UBASH3B: variants seen among roughly 807,000 people sequenced by gnomAD.
UBASH3B encodes the protein ubiquitin associated and SH3 domain containing B.
In UBASH3B, 37 loss-of-function variants were observed where a neutral mutation model predicts 83.4. The observed-to-expected ratio is 0.44, with a 90% confidence interval of 0.34 to 0.58. The LOEUF (loss-of-function observed/expected upper bound fraction) is 0.58. Among genes scored for constraint, UBASH3B ranks in the 20% least tolerant of loss-of-function variants. The pLI is 0.01. For missense variants in UBASH3B, 657 were observed against 827.2 expected (o/e 0.79, Z 2.52); for synonymous variants, 304 against 318.3 (o/e 0.96, Z 0.48).
chr11:122,692,434 A>T (rs1435849501), intron 1 of UBASH3B, among the ~76,000 whole-genome samples: 1 of 152,220 alleles, frequency 6.6e-6, no homozygotes, highest in Non-Finnish European at 1.5e-5. Context: ...AAAAACAAGA[A>T]GCTCATAATT....
chr11:122,696,495 G>A (rs950408981), intron 1 of UBASH3B, among the ~76,000 whole-genome samples: 2 of 151,888 alleles, frequency 1.3e-5, no homozygotes, highest in African/African-American at 2.4e-5. Context: ...ATTTTTAGTC[G>A]AGACAGGGTT....
chr11:122,680,881 A>T (rs569066070), intron 1 of UBASH3B, among the ~76,000 whole-genome samples: 1 of 152,110 alleles, frequency 6.6e-6, no homozygotes, highest in Admixed American at 6.5e-5. Context: ...CTTTTTTCTG[A>T]TATGTTGCAA....
chr11:122,663,402 G>C (rs2135892196), intron 1 of UBASH3B, among the ~76,000 whole-genome samples: 1 of 152,326 alleles, frequency 6.6e-6, no homozygotes, highest in East Asian at 1.9e-4. Flanking sequence ...CTGAGGTTTG[G>C]AAGATTAAGT....
intron 1 of UBASH3B, among the ~76,000 whole-genome samples, chr11:122,746,783 C>G (rs1370499659): frequency 6.6e-6 from 1 of 152,098 alleles, no homozygotes; most frequent in African/African-American, 2.4e-5. Flanking sequence ...GTTTTGAAGG[C>G]ACCAAGTTAA....
At chr11:122,738,401 G>A (rs1051556662) in intron 1 of UBASH3B, among the ~76,000 whole-genome samples, 1 of 152,190 alleles carries the variant, frequency 6.6e-6, no homozygotes, top group Non-Finnish European at 1.5e-5. Context: ...ATGCAAAGAA[G>A]CAGTTCCAGG....
At chr11:122,694,950 C>CTT (rs1863944579) in intron 1 of UBASH3B, among the ~76,000 whole-genome samples, 5 of 77,120 alleles carry the variant, frequency 6.5e-5, no homozygotes, top group Non-Finnish European at 1.1e-4. Context: ...CTTTTCTTTT[C>CTT]TTTCTTTTTT....
intron 1 of UBASH3B, among the ~76,000 whole-genome samples, chr11:122,743,770 G>A (rs1438460261): frequency 6.6e-6 from 1 of 152,236 alleles, no homozygotes; most frequent in East Asian, 1.9e-4. Context: ...GATGGAGTAA[G>A]CGGCAGAGGG....
At chr11:122,672,831 G>A (rs781718399) in intron 1 of UBASH3B, among the ~76,000 whole-genome samples, 24 of 152,164 alleles carry the variant, frequency 1.6e-4, no homozygotes, top group Non-Finnish European at 8.8e-5. Context: ...GTTGGAGTCA[G>A]GAGCATACCT....
At chr11:122,725,856 C>T (rs1351889298) in intron 1 of UBASH3B, among the ~76,000 whole-genome samples, 1 of 151,796 alleles carries the variant, frequency 6.6e-6, no homozygotes, top group Non-Finnish European at 1.5e-5. Context: ...ACCACGCCGG[C>T]CAATTTTTTC....
At chr11:122,688,501 A>G (rs1454516009) in intron 1 of UBASH3B, among the ~76,000 whole-genome samples, 6 of 149,132 alleles carry the variant, frequency 4.0e-5, no homozygotes, top group Admixed American at 3.4e-4. Flanking sequence ...GCTGGAGAGC[A>G]GTAGTGCAAT....
At chr11:122,757,547 T>C (rs1861301305) in intron 1 of UBASH3B, among the ~76,000 whole-genome samples, 2 of 152,142 alleles carry the variant, frequency 1.3e-5, no homozygotes, top group Admixed American at 6.5e-5. Context: ...CTGTGTTGTG[T>C]TAAACAAATG....
Position 122,808,086 on chromosome 11 carries a change from G to A in UBASH3B, c.1722G>A (p.Val574=), listed in dbSNP as rs2135193615. The A allele has an allele frequency of 6.2e-7, 1 of 1,614,088 alleles. No individual in the cohort carries two copies. The highest frequency in any genetic ancestry group is 8.5e-7 in the Non-Finnish European group (1 of 1,179,960). Residue 574 remains valine (V), a synonymous_variant, in exon 13 of 14, where the codon GTG becomes GTA. Transcript: ENST00000284273. ...CCCCAGGAAATAACATCCTGATTGT[G>A]GCCCACGCATCTTCCCTTGAAGCGT... ...CKSKGNNILI[V]AHASSLEACT... is the part of the protein sequence containing the mutation.
chr11:122,787,779 T>C (rs1860980310), intron 5 of UBASH3B, among the ~76,000 whole-genome samples: 1 of 152,194 alleles, frequency 6.6e-6, no homozygotes, highest in South Asian at 2.1e-4. Context: ...TTAAGTATTA[T>C]TTTATAGATG....
intron 1 of UBASH3B, among the ~76,000 whole-genome samples, chr11:122,714,939 TTTG>T (rs1450299902): frequency 6.6e-6 from 1 of 152,180 alleles, no homozygotes; most frequent in Non-Finnish European, 1.5e-5. Context: ...AAATAAATTT[TTTG>T]TTGTTGTTCT....
chr11:122,808,005 A>C, intron 12 of UBASH3B, 62 bp from the exon 13 acceptor site: 150 of 1,202,974 alleles, frequency 1.2e-4, no homozygotes, highest in Non-Finnish European at 1.7e-4. Context: ...AGCTTCCAGT[A>C]TTTGCAAAGT....
intron 1 of UBASH3B, among the ~76,000 whole-genome samples, chr11:122,767,563 G>A (rs1050404053): frequency 5.9e-5 from 9 of 152,050 alleles, no homozygotes; most frequent in African/African-American, 1.2e-4. Flanking sequence ...CACCCGCCTC[G>A]GCCTCCCAAA....
rs963316616 is a variant in UBASH3B at position 122,806,972 on chromosome 11, A to G, written c.1702+456A>G. Among the ~76,000 whole-genome samples, 16 of 152,228 alleles carry G rather than the reference A, an allele frequency of 1.1e-4. No homozygotes were observed. Among genetic ancestry groups the G allele is most frequent in the Non-Finnish European group, 2.2e-4 (15 of 68,048 alleles). ...ATTGAATTTTCTAAACACTGAGCTC[A>G]AATATTTAATATGTAAGACTGTTCA... On this transcript the variant is annotated intron_variant, in intron 12 of 13. Transcript: ENST00000284273. The surrounding 1 kb of genome is among the most constrained non-coding windows in gnomAD (Gnocchi z 4.0).
At chr11:122,797,413 C>G in intron 9 of UBASH3B, 1 of 170,718 alleles carries the variant, frequency 5.9e-6, no homozygotes, top group South Asian at 1.6e-4. Context: ...TAAAGGCCAA[C>G]TGATCCTTTG....
intron 1 of UBASH3B, among the ~76,000 whole-genome samples, chr11:122,711,649 C>T (rs764401177): frequency 1.8e-4 from 27 of 152,320 alleles, no homozygotes; most frequent in African/African-American, 3.6e-4. Context: ...TGCTGTGTAA[C>T]GGGCACAGGT....
Sources: gnomAD v4.1 joint callset for allele counts (sites outside exome capture counted in the v4.1 genomes callset) on GRCh38, gnomAD v4.1.1 for gene constraint, Gnocchi (gnomAD v3.1) non-coding constraint, MANE v1.5 for transcripts, NCBI Gene and HGNC (gene_info 2026-07-23, HGNC 2026-07-21) for gene names.